The following ZYG11B variants were observed in gnomAD, a reference collection of about 807,000 sequenced individuals.
The protein encoded by ZYG11B is zyg-11 family member B, cell cycle regulator.
A neutral mutation model predicts 82.4 loss-of-function variants in ZYG11B; 36 were observed. The ratio of observed to expected loss-of-function variants is 0.44; its 90% confidence interval spans 0.33 to 0.58. The LOEUF (loss-of-function observed/expected upper bound fraction) is 0.58. ZYG11B is among the 20% of genes least tolerant of loss of function. The pLI, the probability that ZYG11B is intolerant of heterozygous loss-of-function variation, is 0.02. For synonymous variants in ZYG11B, 303 were observed against 312.8 expected, an observed-to-expected ratio of 0.97 and a Z score of 0.33; for missense variants, 552 against 895.6, an observed-to-expected ratio of 0.62 and a Z score of 4.90.
At chr1:52,768,513 C>T (rs987619833) in intron 2 of ZYG11B, among the ~76,000 whole-genome samples, 2 of 152,080 alleles carry the variant, frequency 1.3e-5, no homozygotes, top group African/African-American at 4.8e-5. Flanking sequence ...CTTGCCATTT[C>T]CTAACCCCGT....
chr1:52,790,770 GTTC>G (rs1165044622), intron 6 of ZYG11B, among the ~76,000 whole-genome samples: 1 of 58,806 alleles, frequency 1.7e-5, no homozygotes, highest in Non-Finnish European at 2.7e-5. Context: ...TAGGTCCAGT[GTTC>G]TTTTTTTTTT....
Position 52,740,394 on chromosome 1 carries a change from GCTTGCTTTA to G in ZYG11B, c.30+13720_30+13728del, listed in dbSNP as rs1007693245. ...GGCCTTAAAGTGATATGTGCAAGAA[GCTTGCTTTA>G]CTTGCTTTTCAATTTGTCATCTAGG... On this transcript the variant is annotated intron_variant, in intron 1 of 13. Coordinates refer to ENST00000294353, the MANE Select transcript of ZYG11B (RefSeq NM_024646.3). 2.0e-4 allele frequency among the ~76,000 whole-genome samples: 30 copies of G among 152,230 alleles called. 1 individual carries two copies. The South Asian group carries it at 4.8e-3, about 24-fold the overall frequency.
intron 2 of ZYG11B, among the ~76,000 whole-genome samples, chr1:52,758,620 T>C (rs1644600189): frequency 6.6e-6 from 1 of 152,178 alleles, no homozygotes; most frequent in African/African-American, 2.4e-5. Flanking sequence ...TGTGGCTTTA[T>C]ATATATAAAA....
intron 1 of ZYG11B, among the ~76,000 whole-genome samples, chr1:52,729,455 A>G (rs1048578828): frequency 6.6e-6 from 1 of 152,260 alleles, no homozygotes; most frequent in Admixed American, 6.5e-5. Context: ...GGTGAGGAGA[A>G]GGCAGAATAT....
chr1:52,781,763 A>G (rs1425456507), intron 4 of ZYG11B, among the ~76,000 whole-genome samples: 1 of 152,238 alleles, frequency 6.6e-6, no homozygotes, highest in African/African-American at 2.4e-5. Context: ...TTAAGTAATA[A>G]TAAGTCAGTG....
At position 52,801,851 on chromosome 1, in the gene ZYG11B, T is replaced by C; in HGVS notation, c.1518T>C (p.Asn506=). 1 of 1,596,026 alleles carries C rather than the reference T, an allele frequency of 6.3e-7. No individual in the cohort carries two copies. The change falls in exon 9 of 14, where the codon AAT becomes AAC. Residue 506 remains asparagine (N), a synonymous_variant. Transcript: ENST00000294353. ...QLLQIVKQKT[N]QNSVDTTLKF... ...TTCAAATAGTGAAGCAGAAAACCAA[T>C]CAAAATTCAGTGGACACTACATTGA...
intron 1 of ZYG11B, among the ~76,000 whole-genome samples, chr1:52,742,341 A>C (rs892171416): frequency 6.6e-6 from 1 of 151,920 alleles, no homozygotes. Flanking sequence ...AGTCCCAGCT[A>C]TTCGGATGGC....
intron 3 of ZYG11B, among the ~76,000 whole-genome samples, chr1:52,777,174 C>T (rs951166622): frequency 6.6e-6 from 1 of 151,922 alleles, no homozygotes; most frequent in Non-Finnish European, 1.5e-5. Flanking sequence ...CGTGCCACTG[C>T]ACTCCAGTCT....
At chr1:52,755,934 GA>G (rs1329481782) in intron 1 of ZYG11B, among the ~76,000 whole-genome samples, 1 of 151,972 alleles carries the variant, frequency 6.6e-6, no homozygotes, top group Non-Finnish European at 1.5e-5. Flanking sequence ...TGAGTAGCTG[GA>G]ACTACAGGCG....
intron 1 of ZYG11B, among the ~76,000 whole-genome samples, chr1:52,745,082 G>A (rs779594684): frequency 2.6e-5 from 4 of 152,158 alleles, no homozygotes; most frequent in Admixed American, 6.5e-5. Flanking sequence ...AAGTCCACAA[G>A]TGCTCAGAAG....
Position 52,821,830 on chromosome 1 carries a change from C to G in ZYG11B, c.*201C>G, listed in dbSNP as rs1348399701. ...TTTAAACTTATGAGTCAAGAAGGGT[C>G]TCTTCCTTTATCATTGCCTTTTAGG... On this transcript the variant is annotated 3_prime_UTR_variant, in exon 14 of 14. Coordinates refer to ENST00000294353, the MANE Select transcript of ZYG11B (RefSeq NM_024646.3). 1 of 433,020 alleles carries G rather than the reference C, an allele frequency of 2.3e-6. No homozygotes were observed. The highest frequency in any genetic ancestry group is 4.0e-6 in the Non-Finnish European group (1 of 248,366). 26.8% of individuals were successfully genotyped at this position (433,020 alleles called of 1,614,324 possible). A position where few individuals can be genotyped will look rare whatever the true frequency, so the allele number is the denominator to read the frequency against.
chr1:52,788,670 C>T (rs1168210001), intron 5 of ZYG11B, among the ~76,000 whole-genome samples: 1 of 152,100 alleles, frequency 6.6e-6, no homozygotes, highest in African/African-American at 2.4e-5. Flanking sequence ...TTTGAGGCTG[C>T]AGTGAGCTAT....
At position 52,753,626 on chromosome 1, in the gene ZYG11B, C is replaced by T. The variant is rs143720390; in HGVS notation, c.31-2832C>T. On this transcript the variant is annotated intron_variant, in intron 1 of 13. Coordinates refer to ENST00000294353, the MANE Select transcript of ZYG11B (RefSeq NM_024646.3). ...TTTTGTTTTTTTTGAGACAGAGTTT[C>T]GCTCTTGTTGCCCAGGCCGGAGTGC... is the stretch of plus-strand genomic sequence containing the variant. Among the ~76,000 whole-genome samples the T allele has an allele frequency of 2.8e-3, 419 of 151,752 alleles. 2 individuals carry two copies. Among genetic ancestry groups the T allele is most frequent in the African/African-American group, 9.7e-3 (401 of 41,412 alleles).
intron 2 of ZYG11B, among the ~76,000 whole-genome samples, chr1:52,767,147 TTTG>T (rs1430133650): frequency 6.9e-5 from 10 of 145,510 alleles, no homozygotes; most frequent in African/African-American, 2.4e-4. Flanking sequence ...TTTATGTTGT[TTTG>T]TTATTTTATT....
At chr1:52,768,853 C>T (rs1383411453) in intron 2 of ZYG11B, among the ~76,000 whole-genome samples, 1 of 152,162 alleles carries the variant, frequency 6.6e-6, no homozygotes, top group African/African-American at 2.4e-5. Context: ...CTCGGCCTCC[C>T]AAAATGCTGG....
chr1:52,748,369 C>T (rs535484555), intron 1 of ZYG11B, among the ~76,000 whole-genome samples: 1 of 145,052 alleles, frequency 6.9e-6, no homozygotes, highest in Non-Finnish European at 1.5e-5. Flanking sequence ...CCTCAGTTTA[C>T]TTTTGTTCAA....
chr1:52,797,595 G>T (rs558718371), intron 8 of ZYG11B, among the ~76,000 whole-genome samples: 1 of 142,758 alleles, frequency 7.0e-6, no homozygotes, highest in South Asian at 2.2e-4. Flanking sequence ...TGAAAGCTCC[G>T]CTTCCCAGGT....
intron 2 of ZYG11B, among the ~76,000 whole-genome samples, chr1:52,757,661 C>T (rs1271197505): frequency 2.0e-5 from 3 of 151,894 alleles, no homozygotes; most frequent in Admixed American, 2.0e-4. Flanking sequence ...GGCGACAGAG[C>T]AAGACTCTGT....
intron 3 of ZYG11B, among the ~76,000 whole-genome samples, chr1:52,774,635 T>TTTTA (rs1644788966): frequency 7.2e-6 from 1 of 139,688 alleles, no homozygotes; most frequent in Non-Finnish European, 1.6e-5. Flanking sequence ...TTTTTTTTTT[T>TTTTA]AGTGTTTTTG....
Sources: allele counts gnomAD v4.1 joint callset (sites outside exome capture counted in the v4.1 genomes callset), GRCh38; gene constraint gnomAD v4.1.1; transcripts MANE v1.5; gene names NCBI Gene and HGNC (gene_info 2026-07-23, HGNC 2026-07-21).